The following TBC1D4 variants were observed in gnomAD, a reference collection of about 807,000 sequenced individuals.
The protein encoded by TBC1D4 is TBC (Tre-2, BUB2, CDC16) domain-containing protein.
TBC1D4 carries 121 observed loss-of-function variants against 142.5 expected under a neutral mutation model. The observed-to-expected ratio is 0.85, with a 90% CI of 0.73 to 0.99. The LOEUF (loss-of-function observed/expected upper bound fraction) is 0.99, where lower values mean the gene tolerates loss of function less well. Among genes scored for constraint, TBC1D4 ranks in the 50% least tolerant of loss-of-function variants. TBC1D4 has a pLI of 0.00. For missense variants in TBC1D4, 1,475 were observed against 1,606.6 expected (o/e 0.92, Z 1.40); for synonymous variants, 630 against 628.2 (o/e 1.00, Z -0.04).
chr13:75,396,753 A>G (rs956791977), intron 1 of TBC1D4, among the ~76,000 whole-genome samples: 1 of 152,178 alleles, frequency 6.6e-6, no homozygotes. Flanking sequence ...ACAAGTAATC[A>G]TACACCCTTA....
intron 1 of TBC1D4, among the ~76,000 whole-genome samples, chr13:75,446,565 A>G (rs1361939201): frequency 1.3e-5 from 2 of 152,260 alleles, no homozygotes; most frequent in Non-Finnish European, 2.9e-5. Context: ...CTTTCCAGCA[A>G]CAGAGCATAA....
At chr13:75,389,120 G>C (rs1884335306) in intron 1 of TBC1D4, among the ~76,000 whole-genome samples, 1 of 152,174 alleles carries the variant, frequency 6.6e-6, no homozygotes, top group Non-Finnish European at 1.5e-5. Context: ...TCTATTCTGG[G>C]TTCAAATTTT....
chr13:75,419,627 T>C (rs1566476958), intron 1 of TBC1D4, among the ~76,000 whole-genome samples: 1 of 152,130 alleles, frequency 6.6e-6, no homozygotes, highest in Non-Finnish European at 1.5e-5. Flanking sequence ...AGTGTAAAGG[T>C]TTATAACAAT....
intron 1 of TBC1D4, among the ~76,000 whole-genome samples, chr13:75,419,256 T>C (rs1886059150): frequency 6.6e-6 from 1 of 152,194 alleles, no homozygotes; most frequent in African/African-American, 2.4e-5. Flanking sequence ...ATCTAAGAGG[T>C]GTCTTTAAGC....
At chr13:75,320,888 A>AAAAAAAAAG (rs1878708259) in intron 11 of TBC1D4, among the ~76,000 whole-genome samples, 1 of 149,128 alleles carries the variant, frequency 6.7e-6, no homozygotes, top group Non-Finnish European at 1.5e-5. Context: ...AAAAAAAAAA[A>AAAAAAAAAG]AATTAGCCGG....
At chr13:75,481,220 CGA>C in intron 1 of TBC1D4, 48 bp downstream of exon 1, 1 of 1,560,090 alleles carries the variant, frequency 6.4e-7, no homozygotes, top group Non-Finnish European at 8.7e-7. Flanking sequence ...CCCTGCTCCC[CGA>C]TCCCCCAAGG....
intron 18 of TBC1D4, among the ~76,000 whole-genome samples, chr13:75,293,379 G>C (rs1875545080): frequency 6.6e-6 from 1 of 152,130 alleles, no homozygotes; most frequent in Non-Finnish European, 1.5e-5. Context: ...GAGTTGAACA[G>C]CTATTGTATA....
intron 1 of TBC1D4, among the ~76,000 whole-genome samples, chr13:75,388,120 T>A (rs938277211): frequency 5.3e-5 from 8 of 152,216 alleles, no homozygotes; most frequent in South Asian, 2.1e-4. Flanking sequence ...CCTCCTCACA[T>A]CACATCTCTC....
intron 14 of TBC1D4, among the ~76,000 whole-genome samples, chr13:75,308,589 A>G (rs1877413297): frequency 6.6e-6 from 1 of 152,190 alleles, no homozygotes; most frequent in Admixed American, 6.5e-5. Flanking sequence ...ATCAGATTTT[A>G]TTTGTACATA....
intron 16 of TBC1D4, 66 bp from the exon 17 acceptor site, chr13:75,299,640 T>C: frequency 5.7e-6 from 9 of 1,585,350 alleles, no homozygotes; most frequent in Non-Finnish European, 7.8e-6. Context: ...ACAGTGAAAT[T>C]GCAATTCAGT....
chr13:75,324,418 C>A lies in TBC1D4; in HGVS notation c.2034-17G>T, dbSNP rs536211684. On this transcript the variant is annotated splice_polypyrimidine_tract_variant and intron_variant, in intron 10 of 20. Coordinates refer to ENST00000377636, the MANE Select transcript of TBC1D4 (RefSeq NM_014832.5). ...GAAAGATTGCTGAGTACAGAAAATA[C>A]AGCAAATATGTCTTAATTTATATTT... 1.1e-4 allele frequency: 173 copies of A among 1,613,370 alleles called. No homozygotes were observed. The South Asian group carries it at 1.8e-3, about 17-fold the overall frequency.
At position 75,432,008 on chromosome 13, in the gene TBC1D4, A is replaced by G. The variant is rs190833900; in HGVS notation, c.498+49262T>C. ...TACAGGAATCAGTAAAACTTAGTCA[A>G]CTGGAGTGAGAAAGTGGATAAAGAT... On this transcript the variant is annotated intron_variant, in intron 1 of 20. Transcript: ENST00000377636. 2.0e-5 allele frequency among the ~76,000 whole-genome samples: 3 copies of G among 152,358 alleles called. 1 individual carries two copies. Among genetic ancestry groups the G allele is most frequent in the African/African-American group, 7.2e-5 (3 of 41,586 alleles).
rs184359736 is a variant in TBC1D4, at chr13:75,299,810, T to A, written c.2912-236A>T. On this transcript the variant is annotated intron_variant, in intron 16 of 20. Transcript: ENST00000377636. ...GGAGGAAACATTTTATGCTAACCAG[T>A]ACTTCTTTCCAGCAAAAAAAAAAAA... Among the ~76,000 whole-genome samples the A allele has an allele frequency of 7.1e-3, 875 of 123,168 alleles. 15 individuals are homozygous for A. The highest frequency in any genetic ancestry group is 0.027 in the African/African-American group (807 of 30,324). 80.8% of individuals were successfully genotyped at this position (123,168 alleles called of 152,430 possible).
At chr13:75,296,863 C>T (rs1170539805) in intron 17 of TBC1D4, among the ~76,000 whole-genome samples, 1 of 152,086 alleles carries the variant, frequency 6.6e-6, no homozygotes, top group Admixed American at 6.5e-5. Flanking sequence ...GATAAGGTAA[C>T]TGAAGCAAGA....
intron 7 of TBC1D4, among the ~76,000 whole-genome samples, chr13:75,337,983 C>T (rs1224617713): frequency 6.6e-6 from 1 of 152,118 alleles, no homozygotes; most frequent in East Asian, 1.9e-4. Flanking sequence ...ACACGAGAAA[C>T]TCAGGCTGGA....
intron 1 of TBC1D4, among the ~76,000 whole-genome samples, chr13:75,423,805 C>A (rs1054166522): frequency 6.6e-6 from 1 of 152,132 alleles, no homozygotes; most frequent in African/African-American, 2.4e-5. Flanking sequence ...AAAAAGTAAT[C>A]TTTAAAAATT....
chr13:75,377,834 C>T (rs549422180), intron 1 of TBC1D4, among the ~76,000 whole-genome samples: 12 of 151,374 alleles, frequency 7.9e-5, no homozygotes, highest in Non-Finnish European at 1.3e-4. Context: ...TATCATAAAC[C>T]GGGCCTGATA....
chr13:75,436,889 T>C (rs1467393543), intron 1 of TBC1D4, among the ~76,000 whole-genome samples: 1 of 152,190 alleles, frequency 6.6e-6, no homozygotes, highest in East Asian at 1.9e-4. Flanking sequence ...TGGGACATAT[T>C]GACATCTCAT....
At chr13:75,373,140 G>T (rs1566438233) in intron 1 of TBC1D4, among the ~76,000 whole-genome samples, 1 of 152,182 alleles carries the variant, frequency 6.6e-6, no homozygotes, top group African/African-American at 2.4e-5. Context: ...ATCTGGACAT[G>T]ACAAACTCTA....
Sources: allele counts gnomAD v4.1 joint callset (sites outside exome capture counted in the v4.1 genomes callset), GRCh38; gene constraint gnomAD v4.1.1; transcripts MANE v1.5; gene names NCBI Gene and HGNC (gene_info 2026-07-23, HGNC 2026-07-21).